The following LRP1B variants were observed in gnomAD, a reference collection of about 807,000 sequenced individuals.
LRP1B encodes LDL receptor related protein 1B.
Under a neutral mutation model 556.6 loss-of-function variants are expected in LRP1B, and 217 were observed. The observed-to-expected ratio is 0.39, with a 90% CI of 0.35 to 0.44. The LOEUF is 0.44. LRP1B is among the 20% of genes least tolerant of loss of function. The pLI is 1.00. For missense variants in LRP1B, 5,053 were observed against 5,620.8 expected, an observed-to-expected ratio of 0.90 and a Z score of 3.23; for synonymous variants, 2,047 against 1,865.8, an observed-to-expected ratio of 1.10 and a Z score of -2.50.
chr2:141,364,187 G>A (rs184468485), intron 3 of LRP1B, among the ~76,000 whole-genome samples: 56 of 152,032 alleles, frequency 3.7e-4, no homozygotes, highest in Admixed American at 3.5e-3. Context: ...CATGGGAAGA[G>A]GATTTCTCTA....
In LRP1B at chr2:141,247,277, C is replaced by T. The variant is rs376638669; in HGVS notation, c.541G>A (p.Val181Met). 12 of 1,613,680 alleles carry T rather than the reference C, an allele frequency of 7.4e-6. No individual in the cohort carries two copies. In the African/African-American group the frequency reaches 1.2e-4, roughly 16 times the overall value. Reference protein sequence around the residue: ...NTHGSYTCSCVEGYLMQPDNR... With the variant: ...NTHGSYTCSCMEGYLMQPDNR... ...TCTGGCTGCATTAGGTAGCCTTCCA[C>T]ACAACTGCAAGTGTAGGATCCATGT... Residue 181 changes from valine (V) to methionine (M), a missense_variant, in exon 5 of 91, where the codon GTG becomes ATG. Around this residue, in one of 5 missense-constraint regions of LRP1B, gnomAD observed 3,619 missense variants for 3,931.9 expected, o/e 0.92. Transcript: ENST00000389484.
At chr2:141,532,346 C>CACA (rs1190073527) in intron 2 of LRP1B, among the ~76,000 whole-genome samples, 8 of 151,762 alleles carry the variant, frequency 5.3e-5, no homozygotes, top group African/African-American at 1.7e-4. Flanking sequence ...TGCTCTTAAG[C>CACA]ACAATCAGGC....
At chr2:141,216,601 A>G (rs528692697) in intron 6 of LRP1B, among the ~76,000 whole-genome samples, 3 of 152,318 alleles carry the variant, frequency 2.0e-5, no homozygotes, top group Non-Finnish European at 2.9e-5. Flanking sequence ...CAGGCACTCA[A>G]TCTCTGAGAG....
intron 1 of LRP1B, among the ~76,000 whole-genome samples, chr2:141,898,832 G>A (rs904984702): frequency 6.6e-6 from 1 of 152,054 alleles, no homozygotes; most frequent in African/African-American, 2.4e-5. Flanking sequence ...TAGAATAAAG[G>A]GGTTTGTGAT....
In LRP1B at chr2:140,901,985, T is replaced by A. The variant is rs151326420; in HGVS notation, c.3766+935A>T. Among the ~76,000 whole-genome samples the A allele has an allele frequency of 4.0e-3, 616 of 152,246 alleles. 3 individuals are homozygous for A. Among genetic ancestry groups the A allele is most frequent in the African/African-American group, 0.014 (562 of 41,564 alleles). On this transcript the variant is annotated intron_variant, in intron 23 of 90. Transcript: ENST00000389484. ...GGTTTCCAAGCCTGAACATGTGATA[T>A]TTTGAGATATGTGCGGCAACTATAA...
At chr2:141,796,036 G>C (rs544823609) in intron 2 of LRP1B, among the ~76,000 whole-genome samples, 2 of 151,012 alleles carry the variant, frequency 1.3e-5, no homozygotes, top group South Asian at 4.2e-4. Flanking sequence ...CTACTTAATA[G>C]TATATTATTG....
At chr2:141,308,452 G>A (rs1414642028) in intron 3 of LRP1B, among the ~76,000 whole-genome samples, 1 of 152,074 alleles carries the variant, frequency 6.6e-6, no homozygotes, top group Admixed American at 6.6e-5. Flanking sequence ...AAAACTATAG[G>A]TATATCATGA....
chr2:140,903,073 G>C lies in LRP1B; in HGVS notation c.3613C>G (p.Leu1205Val), dbSNP rs2105223193. The C allele has an allele frequency of 6.2e-7, 1 of 1,613,596 alleles. No homozygotes were observed. Among genetic ancestry groups the C allele is most frequent in the Non-Finnish European group, 8.5e-7 (1 of 1,179,732 alleles). ...IVCSCPEGLQ[L>V]NKDNKTCEIV... ...TCACATGTTTTATTGTCTTTGTTGAGTTGAAGTCCTTCAGGGCAGGAACAG... is the reference window on the plus strand; with the variant it reads ...TCACATGTTTTATTGTCTTTGTTGACTTGAAGTCCTTCAGGGCAGGAACAG... Residue 1205 changes from leucine to valine, a missense_variant, in exon 23 of 91, where the codon CTC becomes GTC. Around this residue, in one of 5 missense-constraint regions of LRP1B, gnomAD observed 3,619 missense variants for 3,931.9 expected, o/e 0.92. Coordinates refer to ENST00000389484, the MANE Select transcript of LRP1B (RefSeq NM_018557.3).
At chr2:141,844,556 G>A (rs538817295) in intron 1 of LRP1B, among the ~76,000 whole-genome samples, 4 of 152,102 alleles carry the variant, frequency 2.6e-5, no homozygotes, top group African/African-American at 7.2e-5. Flanking sequence ...TAGGCAACAC[G>A]CATTTTCAGA....
At chr2:140,933,403 C>T (rs1245314909) in intron 20 of LRP1B, among the ~76,000 whole-genome samples, 2 of 152,018 alleles carry the variant, frequency 1.3e-5, no homozygotes, top group East Asian at 3.9e-4. Flanking sequence ...TTAGGTTATT[C>T]ATGTTTTTTG....
intron 2 of LRP1B, among the ~76,000 whole-genome samples, chr2:141,731,017 C>T (rs1000160709): frequency 2.6e-5 from 4 of 152,116 alleles, no homozygotes; most frequent in Admixed American, 6.6e-5. Context: ...TGTGGTGACT[C>T]CCAACGGGGG....
chr2:140,338,697 T>C (rs1681221242), intron 77 of LRP1B, among the ~76,000 whole-genome samples: 1 of 151,376 alleles, frequency 6.6e-6, no homozygotes, highest in Admixed American at 6.6e-5. Context: ...CCAAAATCAA[T>C]CAGGTAAACA....
intron 21 of LRP1B, among the ~76,000 whole-genome samples, chr2:140,918,099 G>A (rs902936451): frequency 6.6e-6 from 1 of 151,750 alleles, no homozygotes; most frequent in African/African-American, 2.4e-5. Context: ...ATATATGTAT[G>A]ATTTCTTAGT....
At chr2:142,129,905 C>G (rs755925699) in intron 1 of LRP1B, among the ~76,000 whole-genome samples, 1 of 152,018 alleles carries the variant, frequency 6.6e-6, no homozygotes, top group Non-Finnish European at 1.5e-5. Flanking sequence ...TCCTCTGCTC[C>G]CCATATCCAT....
At position 140,508,419 on chromosome 2, in the gene LRP1B, C is replaced by G. The variant is rs569515571; in HGVS notation, c.8399-1501G>C. Among the ~76,000 whole-genome samples, 14 of 152,182 alleles carry G rather than the reference C, an allele frequency of 9.2e-5. No individual in the cohort carries two copies. In the South Asian group the frequency reaches 2.9e-3, roughly 32 times the overall value. On this transcript the variant is annotated intron_variant, in intron 52 of 90. Transcript: ENST00000389484. Reference sequence around the variant, plus strand: ...TATAGCCCCCTCTCCCCAGACTGCCCCAGGCTCCATGAACAAATAAATCTC... The same window carrying G: ...TATAGCCCCCTCTCCCCAGACTGCCGCAGGCTCCATGAACAAATAAATCTC...
chr2:141,647,587 T>C (rs1161426254), intron 2 of LRP1B, among the ~76,000 whole-genome samples: 1 of 152,186 alleles, frequency 6.6e-6, no homozygotes, highest in East Asian at 1.9e-4. Context: ...TCAACTTCTA[T>C]CTTCTAAGCT....
chr2:141,087,333 G>T (rs1426386130), intron 7 of LRP1B, among the ~76,000 whole-genome samples: 2 of 152,136 alleles, frequency 1.3e-5, no homozygotes, highest in Non-Finnish European at 2.9e-5. Context: ...ATACATGGCG[G>T]TCCTACCAAG....
intron 35 of LRP1B, among the ~76,000 whole-genome samples, chr2:140,747,949 G>C (rs2104882719): frequency 6.6e-6 from 1 of 151,284 alleles, no homozygotes; most frequent in Admixed American, 6.6e-5. Flanking sequence ...TCAGGACGTA[G>C]GGCGGGTTTA....
At chr2:141,286,199 T>C (rs1316490428) in intron 3 of LRP1B, among the ~76,000 whole-genome samples, 1 of 152,178 alleles carries the variant, frequency 6.6e-6, no homozygotes, top group Non-Finnish European at 1.5e-5. Flanking sequence ...GTTCTTTTTC[T>C]ATGTGCCTTT....
Sources: gnomAD v4.1 joint callset for allele counts (sites outside exome capture counted in the v4.1 genomes callset) on GRCh38, gnomAD v4.1.1 for gene constraint, gnomAD v4.1.1 regional missense constraint, MANE v1.5 for transcripts, NCBI Gene and HGNC (gene_info 2026-07-23, HGNC 2026-07-21) for gene names.